The following NDUFB7 variants were observed in gnomAD, a reference collection of about 807,000 sequenced individuals.
NDUFB7 encodes NADH:ubiquinone oxidoreductase subunit B7.
A neutral mutation model predicts 14.7 loss-of-function variants in NDUFB7; 18 were observed. The ratio of observed to expected loss-of-function variants is 1.22; its 90% CI spans 0.85 to 1.81. The LOEUF is 1.81. Ranked by LOEUF, NDUFB7 falls within the 40% of genes most tolerant of loss-of-function variation. The probability of loss-of-function intolerance (pLI) is 0.00; values close to 1 mark genes in which losing one functional copy is unlikely to be tolerated. For synonymous variants in NDUFB7, 86 were observed against 76.1 expected (o/e 1.13, Z -0.68); for missense variants, 219 against 195.0 (o/e 1.12, Z -0.73).
intron 1 of NDUFB7, 75 bp downstream of exon 1, chr19:14,571,800 CCCAGCCCTGGGGTG>C (rs1031238514): frequency 7.5e-5 from 94 of 1,257,720 alleles, no homozygotes; most frequent in Admixed American, 1.2e-4. Context: ...GAGGTTAGAG[CCCAGCCCTGGGGTG>C]CCAGCCCTGG....
At position 14,567,904 on chromosome 19, in the gene NDUFB7, G is replaced by A. The variant is rs181072094; in HGVS notation, c.113-971C>T. On this transcript the variant is annotated intron_variant, in intron 1 of 2. Transcript: ENST00000215565. This position sits in a 1 kb window ranked among gnomAD's most constrained non-coding sequence, Gnocchi z 5.1. ...TTCTGCCCTACCCCCTCACTGCCCA[G>A]ACACGGGCTCTCACAGGGCCACCCA... Among the ~76,000 whole-genome samples the A allele has an allele frequency of 1.8e-3, 268 of 152,054 alleles. No individual in the cohort carries two copies. The highest frequency in any genetic ancestry group is 8.1e-3 in the South Asian group (39 of 4,818).
Position 14,566,190 on chromosome 19 carries a change from C to G in NDUFB7, c.357G>C (p.Ala119=). The change falls in exon 3 of 3, where the codon GCG becomes GCC. Residue 119 remains alanine (A), a synonymous_variant. Transcript: ENST00000215565. The stretch of plus-strand genomic sequence containing the variant: ...GTCCCTGGCCTTTGGCCAACTCTGC[C>G]GCCTTCTTCTCCCGCCGCTTCTTCC... ...LQRKKRREKK[A]AELAKGQGPG... 6.2e-7 allele frequency: 1 copy of G among 1,613,802 alleles called. No individual in the cohort carries two copies. The highest frequency in any genetic ancestry group is 8.5e-7 in the Non-Finnish European group (1 of 1,179,908).
intron 1 of NDUFB7, among the ~76,000 whole-genome samples, chr19:14,570,393 G>C (rs146612594): frequency 1.3e-5 from 2 of 151,970 alleles, no homozygotes; most frequent in East Asian, 3.9e-4. Context: ...GTAGAGACAG[G>C]GTTTCACCAC....
At position 14,567,946 on chromosome 19, in the gene NDUFB7, G is replaced by A. The variant is rs2074102956; in HGVS notation, c.113-1013C>T. Among the ~76,000 whole-genome samples the A allele has an allele frequency of 6.6e-6, 1 of 152,118 alleles. No homozygotes were observed. The highest frequency in any genetic ancestry group is 1.5e-5 in the Non-Finnish European group (1 of 68,022). ...GGCCACCCAACAGCCCAGGACCCCA[G>A]CCTCCCGCTTCCTTCTTTCCTGTGG... On this transcript the variant is annotated intron_variant, in intron 1 of 2. Transcript: ENST00000215565. The surrounding 1 kb of genome is among the most constrained non-coding windows in gnomAD (Gnocchi z 5.1).
In NDUFB7 at chr19:14,566,786, C is replaced by T. The variant is rs560696184; in HGVS notation, c.260G>A (p.Trp87Ter). Residue 87 changes from tryptophan to a stop codon, truncating the protein, a stop_gained, in exon 2 of 3, where the codon TGG becomes TAG. Coordinates refer to ENST00000215565, the MANE Select transcript of NDUFB7 (RefSeq NM_004146.6). LOFTEE classifies it high-confidence loss of function. Reference protein sequence around the residue: ...FLACKQERHDWDYCEHRDYVM... With the variant: ...FLACKQERHD ...TCACTCGCGGTGCTCGCAGTAGTCC[C>T]AGTCGTGCCGCTCCTGCTTGCAGGC... 6 of 1,545,700 alleles carry T rather than the reference C, an allele frequency of 3.9e-6. No individual in the cohort carries two copies. Among genetic ancestry groups the T allele is most frequent in the East Asian group, 4.9e-5 (2 of 40,856 alleles).
chr19:14,566,649 AG>A, intron 2 of NDUFB7, 115 bp downstream of exon 2: 1 of 405,922 alleles, frequency 2.5e-6, no homozygotes, highest in Non-Finnish European at 3.7e-6. Flanking sequence ...CGGGGGTGGG[AG>A]GGGGGCTTGG....
rs2074092373 is a variant in NDUFB7 at position 14,566,858 on chromosome 19, A to T, written c.188T>A (p.Leu63His). The T allele has an allele frequency of 3.8e-6, 6 of 1,570,692 alleles. No individual in the cohort carries two copies. The highest frequency in any genetic ancestry group is 4.3e-6 in the Non-Finnish European group (5 of 1,160,316). The change falls in exon 2 of 3, where the codon CTC becomes CAC. Residue 63 changes from leucine (L) to histidine (H), a missense_variant. Leu to His is a moderately conservative substitution (Grantham distance 99, BLOSUM62 -3). Coordinates refer to ENST00000215565, the MANE Select transcript of NDUFB7 (RefSeq NM_004146.6). ...LQLRDYCAHH[L>H]IRLLKCKRDS... ...ACGCTTGCACTTGAGCAGCCGGATGAGGTGGTGGGCGCAGTAGTCCCGCAG... is the reference window on the plus strand; with the variant it reads ...ACGCTTGCACTTGAGCAGCCGGATGTGGTGGTGGGCGCAGTAGTCCCGCAG...
chr19:14,567,068 G>A lies in NDUFB7; in HGVS notation c.113-135C>T. ...CCCCATTCACATCCAGATGGCAGTG[G>A]ATGGCAGATGCCTTTGACGGATGCA... On this transcript the variant is annotated intron_variant, in intron 1 of 2. Coordinates refer to ENST00000215565, the MANE Select transcript of NDUFB7 (RefSeq NM_004146.6). The surrounding 1 kb of genome is among the most constrained non-coding windows in gnomAD (Gnocchi z 5.1). 1 of 856,644 alleles carries A rather than the reference G, an allele frequency of 1.2e-6. No individual in the cohort carries two copies. The highest frequency in any genetic ancestry group is 1.7e-5 in the African/African-American group (1 of 58,932). The allele number at this position is 856,644 out of a possible 1,614,324, so 53.1% of individuals were successfully genotyped here.
In NDUFB7 at chr19:14,566,763, A is replaced by C. The variant is rs762690662; in HGVS notation, c.281+2T>G. On this transcript the variant is annotated splice_donor_variant, in intron 2 of 2. Coordinates refer to ENST00000215565, the MANE Select transcript of NDUFB7 (RefSeq NM_004146.6). LOFTEE classifies it high-confidence loss of function. Reference sequence around the variant, plus strand: ...GTTGGGGGCTGGTGTGGGGGTGCTCACTCGCGGTGCTCGCAGTAGTCCCAG... The same window carrying C: ...GTTGGGGGCTGGTGTGGGGGTGCTCCCTCGCGGTGCTCGCAGTAGTCCCAG... 6.5e-7 allele frequency: 1 copy of C among 1,540,816 alleles called. No individual in the cohort carries two copies. Among genetic ancestry groups the C allele is most frequent in the Non-Finnish European group, 8.7e-7 (1 of 1,145,698 alleles).
chr19:14,566,650 G>C, intron 2 of NDUFB7, 115 bp downstream of exon 2: 1 of 970,704 alleles, frequency 1.0e-6, no homozygotes, highest in Non-Finnish European at 1.5e-6. Context: ...GGGGGTGGGA[G>C]GGGGGCTTGG....
At position 14,567,889 on chromosome 19, in the gene NDUFB7, C is replaced by A. The variant is rs1311157844; in HGVS notation, c.113-956G>T. ...GTCCCATTCCCTGGCTTCTGCCCTACCCCCTCACTGCCCAGACACGGGCTC... is the reference window on the plus strand; with the variant it reads ...GTCCCATTCCCTGGCTTCTGCCCTAACCCCTCACTGCCCAGACACGGGCTC... On this transcript the variant is annotated intron_variant, in intron 1 of 2. Transcript: ENST00000215565. This position sits in a 1 kb window ranked among gnomAD's most constrained non-coding sequence, Gnocchi z 5.1. 6.6e-6 allele frequency among the ~76,000 whole-genome samples: 1 copy of A among 152,154 alleles called. No individual in the cohort carries two copies. Among genetic ancestry groups the A allele is most frequent in the Non-Finnish European group, 1.5e-5 (1 of 68,022 alleles).
Position 14,567,740 on chromosome 19 carries a change from G to C in NDUFB7, c.113-807C>G, listed in dbSNP as rs897949996. ...TCGGTCCCAGCTCCTTCCCATCTGC[G>C]CAAGTGAGACGAGATATATTCACAT... is the stretch of plus-strand genomic sequence containing the variant. On this transcript the variant is annotated intron_variant, in intron 1 of 2. Coordinates refer to ENST00000215565, the MANE Select transcript of NDUFB7 (RefSeq NM_004146.6). The surrounding 1 kb of genome is among the most constrained non-coding windows in gnomAD (Gnocchi z 5.1). 1.3e-5 allele frequency among the ~76,000 whole-genome samples: 2 copies of C among 151,948 alleles called. No homozygotes were observed. Among genetic ancestry groups the C allele is most frequent in the Non-Finnish European group, 2.9e-5 (2 of 68,008 alleles).
chr19:14,566,829 T>TGTCACGCTTG lies in NDUFB7; in HGVS notation c.207_216dup (p.Ser73GlnfsTer3). Reference sequence around the variant, plus strand: ...TTGCAGGCCAGGAAGTTGGGGAAGCTGTCACGCTTGCACTTGAGCAGCCGG... The same window carrying TGTCACGCTTG: ...TTGCAGGCCAGGAAGTTGGGGAAGCTGTCACGCTTGGTCACGCTTGCACTTGAGCAGCCGG... On this transcript the variant is annotated stop_gained and frameshift_variant, in exon 2 of 3. Coordinates refer to ENST00000215565, the MANE Select transcript of NDUFB7 (RefSeq NM_004146.6). LOFTEE classifies it high-confidence loss of function. 1 of 1,554,158 alleles carries TGTCACGCTTG rather than the reference T, an allele frequency of 6.4e-7. No individual in the cohort carries two copies. The highest frequency in any genetic ancestry group is 8.7e-7 in the Non-Finnish European group (1 of 1,150,520).
In NDUFB7 at chr19:14,567,624, C is replaced by T. The variant is rs35483974; in HGVS notation, c.113-691G>A. 2.1e-3 allele frequency among the ~76,000 whole-genome samples: 326 copies of T among 152,168 alleles called. 1 individual carries two copies. Among genetic ancestry groups the T allele is most frequent in the Middle Eastern group, 6.8e-3 (2 of 294 alleles). ...CATGAGGAATCCTGGACACTCACCC[C>T]GGAGCCTGTGCCTGGCGATCCTGCA... On this transcript the variant is annotated intron_variant, in intron 1 of 2. Transcript: ENST00000215565. This position sits in a 1 kb window ranked among gnomAD's most constrained non-coding sequence, Gnocchi z 5.1.
chr19:14,566,898 G>A lies in NDUFB7; in HGVS notation c.148C>T (p.Gln50Ter). 1 of 1,584,706 alleles carries A rather than the reference G, an allele frequency of 6.3e-7. No homozygotes were observed. Among genetic ancestry groups the A allele is most frequent in the Non-Finnish European group, 8.6e-7 (1 of 1,169,096 alleles). Residue 50 changes from glutamine (Q) to a stop codon, truncating the protein, a stop_gained, in exon 2 of 3, where the codon CAG becomes TAG. Transcript: ENST00000215565. LOFTEE classifies it high-confidence loss of function. The part of the protein sequence containing the change: ...VATQQEMMDA[Q>*]LRLQLRDYCA... ...TAGTCCCGCAGCTGGAGCCTCAGCT[G>A]CGCGTCCATCATCTCCTGCTGTGTG...
chr19:14,569,243 T>C (rs977020531), intron 1 of NDUFB7, among the ~76,000 whole-genome samples: 1 of 150,520 alleles, frequency 6.6e-6, no homozygotes, highest in African/African-American at 2.4e-5. Flanking sequence ...CCATAAAGAG[T>C]CCACTGGAGT....
intron 1 of NDUFB7, among the ~76,000 whole-genome samples, chr19:14,570,227 T>C (rs2074117116): frequency 2.0e-5 from 3 of 150,068 alleles, no homozygotes; most frequent in East Asian, 2.0e-4. Context: ...TGAGATGGAG[T>C]CTTGCTCTGT....
chr19:14,571,906 G>T lies in NDUFB7; in HGVS notation c.95C>A (p.Pro32His), dbSNP rs775617478. The change falls in exon 1 of 3, where the codon CCC becomes CAC. Residue 32 changes from proline to histidine, a missense_variant. Coordinates refer to ENST00000215565, the MANE Select transcript of NDUFB7 (RefSeq NM_004146.6). ...GGCCTCACCGCGCTCCTTGCGTTCG[G>T]GGAAGCCGTAGTCTGGCGGGAAGGT... is the stretch of plus-strand genomic sequence containing the variant. Reference protein sequence around the residue: ...MPTFPPDYGFPERKEREMVAT... With the variant: ...MPTFPPDYGFHERKEREMVAT... The T allele has an allele frequency of 9.9e-6, 16 of 1,610,990 alleles. No individual in the cohort carries two copies. The highest frequency in any genetic ancestry group is 1.3e-5 in the Non-Finnish European group (15 of 1,179,172).
intron 1 of NDUFB7, among the ~76,000 whole-genome samples, chr19:14,570,656 C>T (rs559931978): frequency 3.9e-5 from 6 of 152,310 alleles, no homozygotes; most frequent in African/African-American, 1.4e-4. Context: ...GTCTTTGTTT[C>T]CAGCCACTGC....
Sources: allele counts gnomAD v4.1 joint callset (sites outside exome capture counted in the v4.1 genomes callset), GRCh38; gene constraint gnomAD v4.1.1; non-coding constraint Gnocchi (gnomAD v3.1); transcripts MANE v1.5; gene names NCBI Gene and HGNC (gene_info 2026-07-23, HGNC 2026-07-21).